MYOT: variants seen among roughly 807,000 people sequenced by gnomAD.
MYOT encodes the protein 57 kDa cytoskeletal protein.
A neutral mutation model predicts 58.0 loss-of-function variants in MYOT; 36 were observed. The ratio of observed to expected loss-of-function variants is 0.62; its 90% CI spans 0.48 to 0.82. The LOEUF (loss-of-function observed/expected upper bound fraction) is 0.82. Among genes scored for constraint, MYOT ranks in the 40% least tolerant of loss-of-function variants. The pLI is 0.00. For synonymous variants in MYOT, 218 were observed against 204.6 expected (o/e 1.07, Z -0.56); for missense variants, 505 against 592.1 (o/e 0.85, Z 1.53).
At chr5:137,886,448 G>A (rs561999294) in intron 8 of MYOT, among the ~76,000 whole-genome samples, 3 of 152,170 alleles carry the variant, frequency 2.0e-5, no homozygotes, top group East Asian at 3.9e-4. Context: ...TTTTATCAAC[G>A]ATGATGAAAG....
At chr5:137,877,676 C>A in intron 4 of MYOT, 55 bp downstream of exon 4, 3 of 1,259,336 alleles carry the variant, frequency 2.4e-6, no homozygotes, top group Non-Finnish European at 3.5e-6. Flanking sequence ...TTTTAAATGT[C>A]TGCTTTTCTA....
In MYOT at chr5:137,870,836, T is replaced by A. The variant is rs756265501; in HGVS notation, c.185T>A (p.Ile62Asn). ...GCCTCCTCAACACTGAGCTCTCACA[T>A]CACCATGTCCTCCTCTGCTTTCCCT... ...FSASSTLSSH[I>N]TMSSSAFPAS... The change falls in exon 2 of 10, where the codon ATC becomes AAC. Residue 62 changes from isoleucine to asparagine, a missense_variant. Physicochemically the swap from Ile to Asn is moderately radical, Grantham distance 149. Coordinates refer to ENST00000239926, the MANE Select transcript of MYOT (RefSeq NM_006790.3). The A allele has an allele frequency of 6.2e-7, 1 of 1,614,120 alleles. No individual in the cohort carries two copies. Among genetic ancestry groups the A allele is most frequent in the Admixed American group, 1.7e-5 (1 of 60,008 alleles).
intron 4 of MYOT, 87 bp from the exon 5 acceptor site, chr5:137,880,729 A>G (rs781358498): frequency 2.3e-4 from 253 of 1,120,028 alleles, no homozygotes; most frequent in Middle Eastern, 1.2e-3. Flanking sequence ...CAAAATAGGA[A>G]TGTTCCTTTC....
chr5:137,881,839 G>A (rs1185509559), intron 5 of MYOT, 134 bp from the exon 6 acceptor site: 31 of 881,492 alleles, frequency 3.5e-5, no homozygotes, highest in Non-Finnish European at 2.0e-5. Flanking sequence ...CTGAGATTGG[G>A]CCACTGTACT....
Position 137,870,696 on chromosome 5 carries a change from C to T in MYOT, c.45C>T (p.Asn15=). 1 of 1,614,220 alleles carries T rather than the reference C, an allele frequency of 6.2e-7. No individual in the cohort carries two copies. Among genetic ancestry groups the T allele is most frequent in the Non-Finnish European group, 8.5e-7 (1 of 1,180,046 alleles). Residue 15 remains asparagine, a synonymous_variant, in exon 2 of 10, where the codon AAC becomes AAT. Coordinates refer to ENST00000239926, the MANE Select transcript of MYOT (RefSeq NM_006790.3). ...ERPKHFIQSQ[N]PCGSRLQPPG... Reference sequence around the variant, plus strand: ...CAAAACACTTCATCCAGTCCCAAAACCCATGTGGCTCCAGATTGCAGCCTC... The same window carrying T: ...CAAAACACTTCATCCAGTCCCAAAATCCATGTGGCTCCAGATTGCAGCCTC...
intron 4 of MYOT, among the ~76,000 whole-genome samples, chr5:137,878,798 G>T (rs528303751): frequency 6.6e-6 from 1 of 152,046 alleles, no homozygotes. Flanking sequence ...ACTCCAGCCT[G>T]GGTGAGAGAG....
rs141710153 is a variant in MYOT at position 137,875,831 on chromosome 5, A to G, written c.359A>G (p.Tyr120Cys). The part of the protein sequence containing the change: ...SKIPSAMDSN[Y>C]QQSSAGQPIN... ...TCTTTTCTTTTTCCTTTTTAAAGCT[A>G]TCAACAGTCCTCAGCTGGCCAACCT... Residue 120 changes from tyrosine to cysteine, a missense_variant and splice_region_variant, in exon 3 of 10, where the codon TAT becomes TGT. By Grantham distance (194) the Tyr-to-Cys change is radical (BLOSUM62 -2). Transcript: ENST00000239926. The G allele has an allele frequency of 1.4e-5, 22 of 1,613,978 alleles. No homozygotes were observed. In the African/African-American group the frequency reaches 2.9e-4, roughly 22 times the overall value.
chr5:137,878,441 CG>C, intron 4 of MYOT, among the ~76,000 whole-genome samples: 1 of 152,024 alleles, frequency 6.6e-6, no homozygotes, highest in Admixed American at 6.6e-5. Context: ...TGGAACGCCT[CG>C]GCCTCCAAAA....
chr5:137,883,581 G>C lies in MYOT; in HGVS notation c.1014G>C (p.Leu338=). 6.2e-7 allele frequency: 1 copy of C among 1,614,054 alleles called. No homozygotes were observed. The highest frequency in any genetic ancestry group is 8.5e-7 in the Non-Finnish European group (1 of 1,179,944). The stretch of plus-strand genomic sequence containing the variant: ...GAGAAGCCACCTTCACTGTGCAGCT[G>C]GATGTCCTTGGTAAGCCTCCAAAGA... The part of the protein sequence containing the change: ...RAGEATFTVQ[L]DVLAKEHKRA... The change falls in exon 7 of 10, where the codon CTG becomes CTC. Residue 338 remains leucine (L), a synonymous_variant. Coordinates refer to ENST00000239926, the MANE Select transcript of MYOT (RefSeq NM_006790.3).
intron 2 of MYOT, among the ~76,000 whole-genome samples, chr5:137,875,291 T>C (rs558545424): frequency 3.9e-5 from 6 of 152,184 alleles, no homozygotes; most frequent in South Asian, 2.1e-4. Flanking sequence ...GAGCTAAACA[T>C]TGGGTACATA....
At position 137,869,081 on chromosome 5, in the gene MYOT, G is replaced by A. The variant is rs188049603; in HGVS notation, c.-212+1128G>A. 2.6e-4 allele frequency among the ~76,000 whole-genome samples: 39 copies of A among 152,098 alleles called. No individual in the cohort carries two copies. The East Asian group carries it at 7.1e-3, about 28-fold the overall frequency. On this transcript the variant is annotated intron_variant, in intron 1 of 9. Coordinates refer to ENST00000239926, the MANE Select transcript of MYOT (RefSeq NM_006790.3). Reference sequence around the variant, plus strand: ...AACTTTGAAATACTATTTTTTGAAGGTATCCTATTATTTAGGATGAAACTC... The same window carrying A: ...AACTTTGAAATACTATTTTTTGAAGATATCCTATTATTTAGGATGAAACTC...
chr5:137,874,110 T>C (rs1190852559), intron 2 of MYOT, among the ~76,000 whole-genome samples: 1 of 152,212 alleles, frequency 6.6e-6, no homozygotes, highest in Admixed American at 6.5e-5. Context: ...TTTATTATAA[T>C]AATGGTAAAA....
intron 2 of MYOT, among the ~76,000 whole-genome samples, chr5:137,871,964 G>A (rs1050504182): frequency 2.0e-5 from 3 of 152,120 alleles, no homozygotes; most frequent in East Asian, 1.9e-4. Context: ...CTAATTTCTC[G>A]CAGTCTTCTC....
intron 4 of MYOT, among the ~76,000 whole-genome samples, chr5:137,879,917 A>G (rs1040671046): frequency 6.6e-6 from 1 of 152,080 alleles, no homozygotes; most frequent in Non-Finnish European, 1.5e-5. Context: ...AGTTGTCTTG[A>G]TATTTTGCTT....
At chr5:137,887,098 C>T (rs1561666287) in intron 9 of MYOT, 101 bp downstream of exon 9, 1 of 1,546,840 alleles carries the variant, frequency 6.5e-7, no homozygotes, top group Non-Finnish European at 8.9e-7. Context: ...GATATTTTCC[C>T]CATATATAAT....
chr5:137,878,213 GA>G (rs1580856856), intron 4 of MYOT, among the ~76,000 whole-genome samples: 1 of 147,758 alleles, frequency 6.8e-6, no homozygotes, highest in Non-Finnish European at 1.5e-5. Flanking sequence ...GCACCTGATC[GA>G]TTTTTTTTTT....
intron 6 of MYOT, among the ~76,000 whole-genome samples, 180 bp downstream of exon 6, chr5:137,882,285 C>A (rs1229401088): frequency 6.6e-6 from 1 of 152,172 alleles, no homozygotes; most frequent in African/African-American, 2.4e-5. Context: ...AGCTAAGCAA[C>A]CTTAGACAAG....
At chr5:137,886,604 C>T in intron 8 of MYOT, 2 of 513,282 alleles carry the variant, frequency 3.9e-6, no homozygotes, top group Non-Finnish European at 7.2e-6. Context: ...CCTCCATTCC[C>T]CTATACATAC....
chr5:137,877,206 A>C (rs1755255036), intron 3 of MYOT, among the ~76,000 whole-genome samples: 1 of 151,946 alleles, frequency 6.6e-6, no homozygotes, highest in African/African-American at 2.4e-5. Flanking sequence ...GTCTCTACTA[A>C]AAATACAAAA....
Sources: gnomAD v4.1 joint callset for allele counts (sites outside exome capture counted in the v4.1 genomes callset) on GRCh38, gnomAD v4.1.1 for gene constraint, MANE v1.5 for transcripts, NCBI Gene and HGNC (gene_info 2026-07-23, HGNC 2026-07-21) for gene names.